PTPRT: variants seen among roughly 807,000 people sequenced by gnomAD.
The protein encoded by PTPRT is receptor-type tyrosine-protein phosphatase T.
Under a neutral mutation model 176.8 loss-of-function variants are expected in PTPRT, and 56 were observed. The ratio of observed to expected loss-of-function variants is 0.32; its 90% CI spans 0.26 to 0.40. PTPRT has a LOEUF of 0.40. PTPRT is among the 10% of genes least tolerant of loss of function. The pLI is 1.00. For missense variants in PTPRT, 1,540 were observed against 1,908.2 expected (o/e 0.81, Z 3.60); for synonymous variants, 783 against 739.0 (o/e 1.06, Z -0.96).
At chr20:42,992,028 A>T (rs1432621305) in intron 1 of PTPRT, among the ~76,000 whole-genome samples, 1 of 152,202 alleles carries the variant, frequency 6.6e-6, no homozygotes, top group Non-Finnish European at 1.5e-5. Context: ...CAGTTTACTC[A>T]AAGTACTATG....
At chr20:42,383,855 C>A (rs1317094340) in intron 9 of PTPRT, among the ~76,000 whole-genome samples, 1 of 152,146 alleles carries the variant, frequency 6.6e-6, no homozygotes, top group Non-Finnish European at 1.5e-5. Flanking sequence ...TTATGCCCCA[C>A]AAAGAATAAT....
At chr20:42,851,579 C>T (rs1568635061) in intron 2 of PTPRT, among the ~76,000 whole-genome samples, 1 of 152,100 alleles carries the variant, frequency 6.6e-6, no homozygotes, top group Non-Finnish European at 1.5e-5. Context: ...AAGATGTTTC[C>T]TGTTTATTTG....
rs111570407 is a variant in PTPRT, at chr20:42,567,278, C to CAAAA, written c.1154-94720_1154-94717dup. ...AACAAGAGTGAAACTCCATCTCAAA[C>CAAAA]AAAAAAAAATAAAAGAGAGAGAGAG... On this transcript the variant is annotated intron_variant, in intron 7 of 30. Transcript: ENST00000373187. Among the ~76,000 whole-genome samples the CAAAA allele has an allele frequency of 3.4e-3, 445 of 129,244 alleles. 3 individuals are homozygous for CAAAA. Among genetic ancestry groups the CAAAA allele is most frequent in the African/African-American group, 0.012 (425 of 34,108 alleles). 84.8% of individuals were successfully genotyped at this position (129,244 alleles called of 152,430 possible).
intron 1 of PTPRT, among the ~76,000 whole-genome samples, chr20:42,888,422 A>G (rs944965534): frequency 6.6e-6 from 1 of 152,224 alleles, no homozygotes; most frequent in Non-Finnish European, 1.5e-5. Context: ...CACCGATTAC[A>G]TATACTATCT....
At chr20:42,201,151 A>G (rs951703721) in intron 15 of PTPRT, among the ~76,000 whole-genome samples, 4 of 152,076 alleles carry the variant, frequency 2.6e-5, no homozygotes, top group African/African-American at 9.7e-5. Flanking sequence ...CCATCTCTAC[A>G]AAAATTAGCC....
chr20:42,251,594 C>A (rs893721906), intron 13 of PTPRT, among the ~76,000 whole-genome samples: 1 of 151,816 alleles, frequency 6.6e-6, no homozygotes, highest in Non-Finnish European at 1.5e-5. Flanking sequence ...GAGCAATTCA[C>A]CCCTAATAGG....
At chr20:42,577,129 G>C (rs1428491337) in intron 7 of PTPRT, among the ~76,000 whole-genome samples, 1 of 152,110 alleles carries the variant, frequency 6.6e-6, no homozygotes, top group Non-Finnish European at 1.5e-5. Flanking sequence ...AGAGTATATA[G>C]AGGCAGTTAA....
At chr20:42,869,036 G>A (rs1444312615) in intron 2 of PTPRT, among the ~76,000 whole-genome samples, 1 of 152,196 alleles carries the variant, frequency 6.6e-6, no homozygotes, top group Non-Finnish European at 1.5e-5. Context: ...TGTGCAGAGT[G>A]CATAAGCTGT....
chr20:42,357,634 C>T (rs370319719), intron 9 of PTPRT, among the ~76,000 whole-genome samples: 10 of 152,236 alleles, frequency 6.6e-5, no homozygotes, highest in Non-Finnish European at 1.0e-4. Flanking sequence ...TGTATCAAGG[C>T]GCAGTGGCTC....
chr20:42,814,998 A>G (rs1432942351), intron 2 of PTPRT, among the ~76,000 whole-genome samples: 4 of 152,126 alleles, frequency 2.6e-5, no homozygotes, highest in Non-Finnish European at 4.4e-5. Context: ...AGTAAAAGCA[A>G]TGGGGGTACA....
intron 9 of PTPRT, among the ~76,000 whole-genome samples, chr20:42,353,214 T>A (rs909582616): frequency 8.5e-5 from 13 of 152,156 alleles, no homozygotes; most frequent in Non-Finnish European, 1.8e-4. Context: ...AGCGTCCCGA[T>A]GAGAATTATT....
At chr20:42,747,402 G>C (rs2076706570) in intron 6 of PTPRT, among the ~76,000 whole-genome samples, 1 of 152,190 alleles carries the variant, frequency 6.6e-6, no homozygotes, top group South Asian at 2.1e-4. Context: ...TCTTCCTCCA[G>C]GAGCTCATGT....
intron 7 of PTPRT, among the ~76,000 whole-genome samples, chr20:42,573,776 T>G: frequency 7.3e-6 from 1 of 137,310 alleles, no homozygotes; most frequent in African/African-American, 2.9e-5. Flanking sequence ...TGAGATGGAG[T>G]CTCACTCTGT....
chr20:42,423,178 T>TTA (rs1555847719), intron 9 of PTPRT, among the ~76,000 whole-genome samples: 2 of 88,114 alleles, frequency 2.3e-5, no homozygotes, highest in African/African-American at 4.4e-5. Flanking sequence ...ACCTTAAAAG[T>TTA]AAAAAAAAAA....
intron 16 of PTPRT, among the ~76,000 whole-genome samples, chr20:42,162,396 T>C (rs2146507411): frequency 6.6e-6 from 1 of 152,348 alleles, no homozygotes; most frequent in Non-Finnish European, 1.5e-5. Context: ...CTGCCTTCTG[T>C]CAGTTTGGTC....
At chr20:43,156,704 C>T (rs763142788) in intron 1 of PTPRT, among the ~76,000 whole-genome samples, 1 of 152,166 alleles carries the variant, frequency 6.6e-6, no homozygotes, top group African/African-American at 2.4e-5. Context: ...AGCCTACATA[C>T]TCTTTATACA....
At chr20:42,985,841 T>G (rs980430059) in intron 1 of PTPRT, among the ~76,000 whole-genome samples, 1 of 151,978 alleles carries the variant, frequency 6.6e-6, no homozygotes, top group Admixed American at 6.5e-5. Flanking sequence ...GATGCAGGTA[T>G]CAACAGCAGC....
chr20:42,401,655 C>T (rs575187715), intron 9 of PTPRT, among the ~76,000 whole-genome samples: 6 of 152,182 alleles, frequency 3.9e-5, no homozygotes, highest in East Asian at 1.9e-4. Context: ...TTGTTCTCTC[C>T]GAGCCCCAAT....
chr20:43,010,596 A>G (rs1021088362), intron 1 of PTPRT, among the ~76,000 whole-genome samples: 5 of 152,332 alleles, frequency 3.3e-5, no homozygotes, highest in Admixed American at 3.3e-4. Context: ...ACTTAGTAGC[A>G]AAACGTATAC....
Sources: gnomAD v4.1 joint callset for allele counts (sites outside exome capture counted in the v4.1 genomes callset) on GRCh38, gnomAD v4.1.1 for gene constraint, MANE v1.5 for transcripts, NCBI Gene and HGNC (gene_info 2026-07-23, HGNC 2026-07-21) for gene names.